The following CPS1 variants were observed in gnomAD, a reference collection of about 807,000 sequenced individuals.
CPS1 encodes carbamoyl-phosphate synthase [ammonia], mitochondrial.
A neutral mutation model predicts 174.6 loss-of-function variants in CPS1; 109 were observed. The observed-to-expected ratio is 0.62, with a 90% confidence interval of 0.53 to 0.73. CPS1 has a LOEUF of 0.73. Among genes scored for constraint, CPS1 ranks in the 30% least tolerant of loss-of-function variants. The pLI, the probability that CPS1 is intolerant of heterozygous loss-of-function variation, is 0.00. For missense variants in CPS1, 1,689 were observed against 1,821.9 expected (o/e 0.93, Z 1.33); for synonymous variants, 637 against 632.0 (o/e 1.01, Z -0.12).
At chr2:210,625,810 G>A (rs566132559) in intron 21 of CPS1, among the ~76,000 whole-genome samples, 1 of 152,182 alleles carries the variant, frequency 6.6e-6, no homozygotes, top group Admixed American at 6.5e-5. Flanking sequence ...GTAGGTAAAG[G>A]TATGAATTCT....
chr2:210,665,429 CTCA>C (rs1472542672), intron 33 of CPS1, among the ~76,000 whole-genome samples: 1 of 149,766 alleles, frequency 6.7e-6, no homozygotes, highest in Non-Finnish European at 1.5e-5. Context: ...CAGCCATTAA[CTCA>C]TCATTTAGCA....
At chr2:210,648,356 A>G in intron 26 of CPS1, 117 bp from the exon 27 acceptor site, 2 of 828,312 alleles carry the variant, frequency 2.4e-6, no homozygotes, top group South Asian at 1.6e-5. Context: ...TTTACATTTA[A>G]TGGTGCCTTT....
chr2:210,590,160 T>C lies in CPS1; in HGVS notation c.766T>C (p.Tyr256His). The part of the protein sequence containing the change: ...PWNHDFTKME[Y>H]DGILIAGGPG... ...GAACCATGATTTCACCAAGATGGAG[T>C]ATGATGGGATTTTGATCGCGGGAGG... Residue 256 changes from tyrosine (Y) to histidine (H), a missense_variant, in exon 8 of 38, where the codon TAT (tyrosine) becomes CAT (histidine). Tyr to His is a moderately conservative substitution (Grantham distance 83, BLOSUM62 2). Coordinates refer to ENST00000233072, the MANE Select transcript of CPS1 (RefSeq NM_001875.5). 6 of 1,612,738 alleles carry C rather than the reference T, an allele frequency of 3.7e-6. No individual in the cohort carries two copies. The highest frequency in any genetic ancestry group is 5.1e-6 in the Non-Finnish European group (6 of 1,179,158).
At chr2:210,535,795 T>G (rs976982491) in intron 1 of CPS1, among the ~76,000 whole-genome samples, 1 of 151,540 alleles carries the variant, frequency 6.6e-6, no homozygotes, top group Non-Finnish European at 1.5e-5. Context: ...TAAAAAAAGT[T>G]TAGTCCCTTC....
At chr2:210,479,281 C>T (rs563615900) in intron 1 of CPS1, among the ~76,000 whole-genome samples, 17 of 151,668 alleles carry the variant, frequency 1.1e-4, no homozygotes, top group Admixed American at 2.6e-4. Flanking sequence ...CCTCTTCTTA[C>T]GACACCATCA....
chr2:210,627,726 T>C (rs1322026891), intron 21 of CPS1, among the ~76,000 whole-genome samples: 1 of 152,172 alleles, frequency 6.6e-6, no homozygotes, highest in African/African-American at 2.4e-5. Context: ...CACCTCAAAG[T>C]GTGAGTACAG....
At chr2:210,565,236 T>G (rs12694201) in intron 1 of CPS1, among the ~76,000 whole-genome samples, 94,761 of 151,900 alleles carry the variant, frequency 0.62, 30,056 homozygotes, top group African/African-American at 0.74. Flanking sequence ...CAATAAATTT[T>G]CTAACAAAGG....
At chr2:210,539,747 G>A (rs1179867882) in intron 1 of CPS1, among the ~76,000 whole-genome samples, 1 of 152,084 alleles carries the variant, frequency 6.6e-6, no homozygotes, top group African/African-American at 2.4e-5. Context: ...GGCGTTAGGG[G>A]GTCTGGTCAT....
At chr2:210,555,573 C>T, upstream of CPS1, 1 of 454,484 alleles carries the variant, frequency 2.2e-6, no homozygotes, top group South Asian at 1.6e-5. Context: ...CTTACCCCAA[C>T]TCTAGCACTG....
intron 6 of CPS1, among the ~76,000 whole-genome samples, chr2:210,586,009 A>G: frequency 6.6e-6 from 1 of 151,778 alleles, no homozygotes; most frequent in East Asian, 2.0e-4. Context: ...TTCATAAGGA[A>G]GAGTTCCAGC....
chr2:210,569,980 A>G lies in CPS1; in HGVS notation c.127-3318A>G, dbSNP rs73073558. Among the ~76,000 whole-genome samples, 1,426 of 149,478 alleles carry G rather than the reference A, an allele frequency of 9.5e-3. 23 individuals carry two copies. Among genetic ancestry groups the G allele is most frequent in the African/African-American group, 0.034 (1,352 of 39,288 alleles). On this transcript the variant is annotated intron_variant, in intron 1 of 37. Coordinates refer to ENST00000233072, the MANE Select transcript of CPS1 (RefSeq NM_001875.5). ...ACTAAAATATCTTATGATAGTAACA[A>G]GGTGATTTCTTTTATACTCCTTGGA...
In CPS1 at chr2:210,486,084, A is replaced by G. The variant is rs534669348; in HGVS notation, c.3+8318A>G. Among the ~76,000 whole-genome samples, 15 of 134,164 alleles carry G rather than the reference A, an allele frequency of 1.1e-4. 1 individual carries two copies. The South Asian group carries it at 3.5e-3, about 32-fold the overall frequency. 88.0% of individuals were successfully genotyped at this position (134,164 alleles called of 152,430 possible). On this transcript the variant is annotated intron_variant, in intron 1 of 38. Transcript: ENST00000430249. ...TATATATATATGTATATATATGTGT[A>G]TATATATACATATATATATACACAC... is the stretch of plus-strand genomic sequence containing the variant.
At chr2:210,492,766 A>T (rs1176459762) in intron 1 of CPS1, among the ~76,000 whole-genome samples, 2 of 152,128 alleles carry the variant, frequency 1.3e-5, no homozygotes, top group African/African-American at 2.4e-5. Context: ...AAGCCTATTA[A>T]CCCCTCTTGG....
At chr2:210,499,517 A>G (rs1695089542) in intron 1 of CPS1, among the ~76,000 whole-genome samples, 1 of 152,154 alleles carries the variant, frequency 6.6e-6, no homozygotes, top group Admixed American at 6.5e-5. Flanking sequence ...TCTCTGGCCC[A>G]AGACAAAAAT....
chr2:210,576,578 T>A (rs1697720562), intron 3 of CPS1, 88 bp downstream of exon 3: 1 of 1,373,168 alleles, frequency 7.3e-7, no homozygotes, highest in African/African-American at 1.4e-5. Flanking sequence ...CAAACTTTCT[T>A]CCTCAATACG....
rs763437104 is a variant in CPS1 at position 210,592,961 on chromosome 2, G to C, written c.1164+5G>C. On this transcript the variant is annotated splice_donor_5th_base_variant and intron_variant, in intron 11 of 37. Coordinates refer to ENST00000233072, the MANE Select transcript of CPS1 (RefSeq NM_001875.5). ...CCGGGGCCAATAGACACTGAGGTAC[G>C]TCAAAAAGATGAGGCCTATTATGTA... 1.2e-6 allele frequency: 2 copies of C among 1,610,278 alleles called. No individual in the cohort carries two copies. The highest frequency in any genetic ancestry group is 1.7e-5 in the Admixed American group (1 of 59,792).
intron 1 of CPS1, 84 bp downstream of exon 1, chr2:210,556,943 T>C (rs1696932122): frequency 2.0e-6 from 3 of 1,481,916 alleles, no homozygotes; most frequent in Non-Finnish European, 2.8e-6. Flanking sequence ...ACAAGGCAAA[T>C]ACAGTTTTGA....
At chr2:210,656,402 G>A in intron 29 of CPS1, 123 bp from the exon 30 acceptor site, 1 of 725,984 alleles carries the variant, frequency 1.4e-6, no homozygotes, top group Non-Finnish European at 2.5e-6. Context: ...CAGGAATGTA[G>A]CAAGGGAACT....
At chr2:210,583,550 T>C (rs1697999982) in intron 6 of CPS1, among the ~76,000 whole-genome samples, 1 of 152,048 alleles carries the variant, frequency 6.6e-6, no homozygotes. Context: ...GTAGTAACAG[T>C]AAGGTAGATG....
Sources: allele counts gnomAD v4.1 joint callset (sites outside exome capture counted in the v4.1 genomes callset), GRCh38; gene constraint gnomAD v4.1.1; transcripts MANE v1.5; gene names NCBI Gene and HGNC (gene_info 2026-07-23, HGNC 2026-07-21).